The following NPHP1 variants were observed in gnomAD, a reference collection of about 807,000 sequenced individuals.
NPHP1 encodes the protein nephrocystin-1.
Under a neutral mutation model 90.4 loss-of-function variants are expected in NPHP1, and 70 were observed. The observed-to-expected ratio is 0.77, with a 90% confidence interval of 0.64 to 0.95. The LOEUF (loss-of-function observed/expected upper bound fraction) is 0.95, where lower values mean the gene tolerates loss of function less well. Ranked by LOEUF, NPHP1 falls within the 40% of genes least tolerant of loss-of-function variation. NPHP1 has a pLI of 0.00. For missense variants in NPHP1, 764 were observed against 795.9 expected (o/e 0.96, Z 0.48); for synonymous variants, 256 against 271.7 (o/e 0.94, Z 0.57).
At chr2:110,169,265 A>C (rs1046953653) in intron 5 of NPHP1, among the ~76,000 whole-genome samples, 3 of 152,130 alleles carry the variant, frequency 2.0e-5, no homozygotes, top group Admixed American at 6.5e-5. Flanking sequence ...TAAACTTTGA[A>C]GTTTAATATA....
chr2:110,131,630 C>T, intron 17 of NPHP1, 49 bp downstream of exon 17: 1 of 1,076,340 alleles, frequency 9.3e-7, no homozygotes, highest in Non-Finnish European at 1.4e-6. Flanking sequence ...TACCTTTACT[C>T]AGAGTATGAA....
intron 16 of NPHP1, among the ~76,000 whole-genome samples, chr2:110,138,651 G>A (rs939334144): frequency 3.9e-5 from 6 of 152,108 alleles, no homozygotes; most frequent in African/African-American, 1.4e-4. Context: ...GGGGCAGAAC[G>A]ACCTGAGCAT....
At chr2:110,193,057 A>G (rs1241366480) in intron 2 of NPHP1, among the ~76,000 whole-genome samples, 1 of 152,210 alleles carries the variant, frequency 6.6e-6, no homozygotes, top group Non-Finnish European at 1.5e-5. Context: ...AAAACATGCC[A>G]GATTGTGAAG....
intron 2 of NPHP1, among the ~76,000 whole-genome samples, chr2:110,193,363 T>C (rs976898495): frequency 6.6e-6 from 1 of 151,902 alleles, no homozygotes; most frequent in Non-Finnish European, 1.5e-5. Flanking sequence ...AATCCTAGTC[T>C]CTGATAAAAC....
chr2:110,183,410 C>G (rs1454530441), intron 2 of NPHP1, among the ~76,000 whole-genome samples: 1 of 152,164 alleles, frequency 6.6e-6, no homozygotes, highest in African/African-American at 2.4e-5. Flanking sequence ...TCGGCCCATC[C>G]CTTTATTTCC....
At chr2:110,167,773 C>T (rs989263991) in intron 6 of NPHP1, among the ~76,000 whole-genome samples, 13 of 152,054 alleles carry the variant, frequency 8.5e-5, no homozygotes, top group African/African-American at 2.9e-4. Flanking sequence ...TGGGACTGAG[C>T]CTTTAACCTG....
At chr2:110,148,746 C>G (rs571326787) in intron 12 of NPHP1, among the ~76,000 whole-genome samples, 1 of 152,224 alleles carries the variant, frequency 6.6e-6, no homozygotes, top group South Asian at 2.1e-4. Flanking sequence ...TTTATATTAA[C>G]CACTGTTCTT....
intron 13 of NPHP1, among the ~76,000 whole-genome samples, chr2:110,147,304 C>T (rs1355244585): frequency 6.6e-6 from 1 of 151,996 alleles, no homozygotes; most frequent in Non-Finnish European, 1.5e-5. Context: ...CAGTCCTACC[C>T]CCTCCACAAT....
intron 12 of NPHP1, among the ~76,000 whole-genome samples, chr2:110,149,250 A>G (rs890633985): frequency 6.6e-6 from 1 of 152,230 alleles, no homozygotes; most frequent in African/African-American, 2.4e-5. Flanking sequence ...ATGCTTGCAC[A>G]TAACTGATGT....
intron 11 of NPHP1, among the ~76,000 whole-genome samples, chr2:110,150,927 AG>A (rs956401769): frequency 6.7e-6 from 1 of 149,608 alleles, no homozygotes; most frequent in African/African-American, 2.4e-5. Flanking sequence ...GCACTTTGGG[AG>A]GTTGAGGCAG....
At chr2:110,151,170 A>G (rs1345884212) in intron 11 of NPHP1, among the ~76,000 whole-genome samples, 7 of 66,412 alleles carry the variant, frequency 1.1e-4, no homozygotes, top group African/African-American at 3.4e-4. Context: ...AGTCTCAAGA[A>G]AAAAAAAAAA....
chr2:110,164,425 A>C (rs1682561048), intron 8 of NPHP1: 1 of 742,876 alleles, frequency 1.3e-6, no homozygotes, highest in South Asian at 1.5e-5. Flanking sequence ...ATAGGAAAGC[A>C]GGATCAATGA....
intron 2 of NPHP1, among the ~76,000 whole-genome samples, chr2:110,186,022 C>A (rs1367413037): frequency 6.6e-6 from 1 of 152,116 alleles, no homozygotes; most frequent in Admixed American, 6.5e-5. Flanking sequence ...AGAGGGAGCT[C>A]ACTGCCTCCT....
chr2:110,197,307 T>C (rs1685239006), intron 2 of NPHP1, among the ~76,000 whole-genome samples: 1 of 151,800 alleles, frequency 6.6e-6, no homozygotes, highest in African/African-American at 2.4e-5. Context: ...TAAAAAACAG[T>C]AATAAATAAA....
intron 11 of NPHP1, among the ~76,000 whole-genome samples, chr2:110,153,983 C>CA (rs35010593): frequency 0.32 from 46,091 of 142,352 alleles, 7,692 homozygotes; most frequent in East Asian, 0.59. Flanking sequence ...AACTCCATCT[C>CA]AAAAAAAAAA....
chr2:110,168,655 C>CT (rs994382547), intron 5 of NPHP1, 102 bp from the exon 6 acceptor site: 2 of 802,862 alleles, frequency 2.5e-6, no homozygotes, highest in African/African-American at 1.7e-5. Flanking sequence ...AAGGCAAAAT[C>CT]TTTTTTTAAT....
At chr2:110,153,363 G>A (rs1207572251) in intron 11 of NPHP1, among the ~76,000 whole-genome samples, 1 of 152,128 alleles carries the variant, frequency 6.6e-6, no homozygotes, top group Non-Finnish European at 1.5e-5. Flanking sequence ...GCATCAGGAA[G>A]AAAGAATAAA....
intron 16 of NPHP1, among the ~76,000 whole-genome samples, chr2:110,132,848 A>G (rs1472831840): frequency 1.3e-5 from 2 of 152,176 alleles, no homozygotes; most frequent in Non-Finnish European, 2.9e-5. Context: ...ATAGATTGTT[A>G]TAACTTTAGG....
At chr2:110,146,682 GA>G in intron 14 of NPHP1, 70 bp downstream of exon 14, 1 of 1,090,786 alleles carries the variant, frequency 9.2e-7, no homozygotes, top group Non-Finnish European at 1.4e-6. Flanking sequence ...GAACAAACCT[GA>G]GGTATCAAGA....
Sources: gnomAD v4.1 joint callset for allele counts (sites outside exome capture counted in the v4.1 genomes callset) on GRCh38, gnomAD v4.1.1 for gene constraint, MANE v1.5 for transcripts, NCBI Gene and HGNC (gene_info 2026-07-23, HGNC 2026-07-21) for gene names.